Variants in ESPL1 observed in about 807,000 individuals in gnomAD.
The protein encoded by ESPL1 is extra spindle pole bodies like 1, separase.
In ESPL1, 50 loss-of-function variants were observed where a neutral mutation model predicts 217.2. The observed-to-expected ratio is 0.23, with a 90% confidence interval of 0.18 to 0.29. The LOEUF is 0.29. Among genes scored for constraint, ESPL1 ranks in the 10% least tolerant of loss-of-function variants. The pLI, the probability that ESPL1 is intolerant of heterozygous loss-of-function variation, is 1.00. For synonymous variants in ESPL1, 994 were observed against 1,081.3 expected (o/e 0.92, Z 1.58); for missense variants, 1,834 against 2,603.0 (o/e 0.70, Z 6.43).
Position 53,293,243 on chromosome 12 carries a change from A to G in ESPL1, c.6162-30A>G, listed in dbSNP as rs1837624370. 5 of 1,577,482 alleles carry G rather than the reference A, an allele frequency of 3.2e-6. No homozygotes were observed. Among genetic ancestry groups the G allele is most frequent in the Non-Finnish European group, 4.4e-6 (5 of 1,147,020 alleles). On this transcript the variant is annotated intron_variant, in intron 30 of 30. Coordinates refer to ENST00000257934, the MANE Select transcript of ESPL1 (RefSeq NM_012291.5). This position sits in a 1 kb window ranked among gnomAD's most constrained non-coding sequence, Gnocchi z 4.2. Reference sequence around the variant, plus strand: ...CTATGTATTCTGTTTTAGAGCCCTTACTTTGTATTTCCTCCTTTTCTTTTC... The same window carrying G: ...CTATGTATTCTGTTTTAGAGCCCTTGCTTTGTATTTCCTCCTTTTCTTTTC...
At chr12:53,290,027 G>T in intron 22 of ESPL1, 58 bp from the exon 23 acceptor site, 1 of 1,582,140 alleles carries the variant, frequency 6.3e-7, no homozygotes, top group South Asian at 1.1e-5. Flanking sequence ...GAGTGCCCAA[G>T]ACAGGGAAGG....
chr12:53,292,188 A>C lies in ESPL1; in HGVS notation c.5797-90A>C. On this transcript the variant is annotated intron_variant, in intron 27 of 30. Transcript: ENST00000257934. This position sits in a 1 kb window ranked among gnomAD's most constrained non-coding sequence, Gnocchi z 4.5. The stretch of plus-strand genomic sequence containing the variant: ...TGAGAAGATAGGAGAGGGTCCTAGG[A>C]ATGGCTCAGACATGGAAAGGGGCTG... 2 of 1,407,090 alleles carry C rather than the reference A, an allele frequency of 1.4e-6. No individual in the cohort carries two copies. Among genetic ancestry groups the C allele is most frequent in the Non-Finnish European group, 2.0e-6 (2 of 992,052 alleles). The allele number at this position is 1,407,090 out of a possible 1,614,324, so 87.2% of individuals were successfully genotyped here. A position where few individuals can be genotyped will look rare whatever the true frequency, so the allele number is the denominator to read the frequency against.
At position 53,293,257 on chromosome 12, in the gene ESPL1, C is replaced by A. The variant is rs1944093768; in HGVS notation, c.6162-16C>A. 6.2e-7 allele frequency: 1 copy of A among 1,607,098 alleles called. No individual in the cohort carries two copies. The highest frequency in any genetic ancestry group is 2.2e-5 in the East Asian group (1 of 44,860). On this transcript the variant is annotated splice_polypyrimidine_tract_variant and intron_variant, in intron 30 of 30. Coordinates refer to ENST00000257934, the MANE Select transcript of ESPL1 (RefSeq NM_012291.5). The surrounding 1 kb of genome is among the most constrained non-coding windows in gnomAD (Gnocchi z 4.2). ...TTAGAGCCCTTACTTTGTATTTCCT[C>A]CTTTTCTTTTCCCAGCCCCTTGTTT...
rs761250031 is a variant in ESPL1 at position 53,286,092 on chromosome 12, T to C, written c.3356T>C (p.Ile1119Thr). The change falls in exon 18 of 31, where the codon ATA becomes ACA. Residue 1119 changes from isoleucine to threonine, a missense_variant. Physicochemically the swap from Ile to Thr is moderately conservative, Grantham distance 89. Around this residue, in one of 5 missense-constraint regions of ESPL1, gnomAD observed 681 missense variants for 808.0 expected, o/e 0.84. Coordinates refer to ENST00000257934, the MANE Select transcript of ESPL1 (RefSeq NM_012291.5). The surrounding 1 kb of genome is among the most constrained non-coding windows in gnomAD (Gnocchi z 5.3). ...ACTGTGGCCAAGGAGCCTGGCCCCA[T>C]AGCACCTTCTACAAACTCCTCCCCA... ...VATVAKEPGP[I>T]APSTNSSPVL... 1.2e-6 allele frequency: 2 copies of C among 1,613,036 alleles called. No homozygotes were observed.
intron 17 of ESPL1, among the ~76,000 whole-genome samples, chr12:53,284,985 C>T (rs1326602379): frequency 5.6e-5 from 7 of 125,262 alleles, no homozygotes; most frequent in African/African-American, 1.8e-4. Flanking sequence ...CACTCCAGCC[C>T]GGGTGACAGT....
chr12:53,286,012 A>G lies in ESPL1; in HGVS notation c.3276A>G (p.Pro1092=). The change falls in exon 18 of 31, where the codon CCA becomes CCG. Residue 1092 remains proline, a synonymous_variant. Transcript: ENST00000257934. This position sits in a 1 kb window ranked among gnomAD's most constrained non-coding sequence, Gnocchi z 5.3. ...GKQQAQVPCP[P]QLPEEELFLR... is the part of the protein sequence containing the mutation. ...AGCAGGCCCAGGTCCCCTGTCCTCC[A>G]CAGCTCCCAGAGGAGGAGCTCTTCC... The G allele has an allele frequency of 6.2e-7, 1 of 1,603,824 alleles. No homozygotes were observed. The highest frequency in any genetic ancestry group is 8.5e-7 in the Non-Finnish European group (1 of 1,171,500).
At chr12:53,278,653 G>A (rs1245182842) in intron 11 of ESPL1, among the ~76,000 whole-genome samples, 6 of 150,110 alleles carry the variant, frequency 4.0e-5, no homozygotes, top group Admixed American at 6.6e-5. Flanking sequence ...GTGCAGTGGC[G>A]CAATCTGGGC....
intron 2 of ESPL1, 33 bp from the exon 3 acceptor site, chr12:53,268,991 G>C (rs1218819242): frequency 6.4e-7 from 1 of 1,573,918 alleles, no homozygotes; most frequent in African/African-American, 1.4e-5. Flanking sequence ...TCCTGCCTTT[G>C]CTAGCCCCAT....
chr12:53,272,578 C>T, intron 5 of ESPL1, 143 bp from the exon 6 acceptor site: 1 of 912,650 alleles, frequency 1.1e-6, no homozygotes, highest in Non-Finnish European at 1.7e-6. Context: ...GCCGCCCCTT[C>T]CCCATTCCTA....
rs777469176 is a variant in ESPL1 at position 53,282,453 on chromosome 12, A to T, written c.2791+18A>T. The T allele has an allele frequency of 1.1e-5, 17 of 1,610,904 alleles. No individual in the cohort carries two copies. The highest frequency in any genetic ancestry group is 1.4e-5 in the Non-Finnish European group (17 of 1,177,368). ...TGCCCAAGGTGAAAGAATAGGGTGG[A>T]TGGCCCCCCTTGGATGACATGTATG... On this transcript the variant is annotated intron_variant, in intron 14 of 30. Transcript: ENST00000257934. This position sits in a 1 kb window ranked among gnomAD's most constrained non-coding sequence, Gnocchi z 4.0.
In ESPL1 at chr12:53,277,874, A is replaced by G. The variant is rs1223027133; in HGVS notation, c.2278A>G (p.Lys760Glu). 2 of 1,614,070 alleles carry G rather than the reference A, an allele frequency of 1.2e-6. No homozygotes were observed. Among genetic ancestry groups the G allele is most frequent in the African/African-American group, 2.7e-5 (2 of 74,936 alleles). The stretch of plus-strand genomic sequence containing the variant: ...GGCCCTGTGGAAGGAGCTGCTTACA[A>G]AGGGGCAGGCCCCAGCTGTACGGTG... ...ALALWKELLTKGQAPAVRCLQ... is the reference protein window; with the variant it reads ...ALALWKELLTEGQAPAVRCLQ... The change falls in exon 11 of 31, where the codon AAG becomes GAG. Residue 760 changes from lysine to glutamate, a missense_variant. By Grantham distance (56) the Lys-to-Glu change is moderately conservative (BLOSUM62 1). Transcript: ENST00000257934.
chr12:53,285,829 A>AC, intron 17 of ESPL1, 95 bp from the exon 18 acceptor site: 1 of 910,184 alleles, frequency 1.1e-6, no homozygotes, highest in Non-Finnish European at 1.7e-6. Context: ...CGTATATAAA[A>AC]CACATATATT....
At chr12:53,283,046 G>C in intron 14 of ESPL1, 83 bp from the exon 15 acceptor site, 1 of 1,562,184 alleles carries the variant, frequency 6.4e-7, no homozygotes, top group Non-Finnish European at 8.8e-7. Flanking sequence ...AGGAAGCATG[G>C]GAAGCAGGCT....
intron 5 of ESPL1, among the ~76,000 whole-genome samples, 169 bp downstream of exon 5, chr12:53,270,967 AGAGAAGT>A (rs1246318915): frequency 6.6e-6 from 1 of 152,192 alleles, no homozygotes; most frequent in African/African-American, 2.4e-5. Flanking sequence ...TAACACCAGT[AGAGAAGT>A]GATGAAGCTA....
At chr12:53,281,404 G>T in intron 12 of ESPL1, 103 bp from the exon 13 acceptor site, 7 of 1,210,502 alleles carry the variant, frequency 5.8e-6, no homozygotes, top group Non-Finnish European at 7.0e-6. Flanking sequence ...CTCCCAAAGT[G>T]CTGGGATTAC....
chr12:53,286,372 C>G lies in ESPL1; in HGVS notation c.3636C>G (p.Pro1212=). 2 of 1,614,224 alleles carry G rather than the reference C, an allele frequency of 1.2e-6. No individual in the cohort carries two copies. The highest frequency in any genetic ancestry group is 1.1e-5 in the South Asian group (1 of 91,090). Reference sequence around the variant, plus strand: ...CTTCCCTGAATCATAAAACACCCCCCTCCTTGGTTCCAAGCCTCTTGGATG... The same window carrying G: ...CTTCCCTGAATCATAAAACACCCCCGTCCTTGGTTCCAAGCCTCTTGGATG... ...LQASLNHKTP[P]SLVPSLLDEI... is the part of the protein sequence containing the mutation. Residue 1212 remains proline (P), a synonymous_variant, in exon 18 of 31, where the codon CCC becomes CCG. Coordinates refer to ENST00000257934, the MANE Select transcript of ESPL1 (RefSeq NM_012291.5). The surrounding 1 kb of genome is among the most constrained non-coding windows in gnomAD (Gnocchi z 5.3).
Position 53,282,292 on chromosome 12 carries a change from C to T in ESPL1, c.2648C>T (p.Ser883Phe). The change falls in exon 14 of 31, where the codon TCT (serine) becomes TTT (phenylalanine). Residue 883 changes from serine (S) to phenylalanine (F), a missense_variant. By Grantham distance (155) the Ser-to-Phe change is radical. This residue lies in a region of ESPL1 where 746 missense variants were observed against 1,077.0 expected (regional missense o/e 0.69). Coordinates refer to ENST00000257934, the MANE Select transcript of ESPL1 (RefSeq NM_012291.5). This position sits in a 1 kb window ranked among gnomAD's most constrained non-coding sequence, Gnocchi z 4.0. ...ACCAAGGGTGTCTCTCTGCTGCTGT[C>T]TGTGCTTCGGGATCCTGCCCTCCAG... ...KVTKGVSLLLSVLRDPALQKS... is the reference protein window; with the variant it reads ...KVTKGVSLLLFVLRDPALQKS... 1 of 1,614,138 alleles carries T rather than the reference C, an allele frequency of 6.2e-7. No homozygotes were observed. Among genetic ancestry groups the T allele is most frequent in the Admixed American group, 1.7e-5 (1 of 60,006 alleles).
chr12:53,282,197 C>T lies in ESPL1; in HGVS notation c.2620-67C>T. 7.1e-7 allele frequency: 1 copy of T among 1,398,760 alleles called. No homozygotes were observed. Among genetic ancestry groups the T allele is most frequent in the Non-Finnish European group, 1.0e-6 (1 of 989,300 alleles). 86.6% of individuals were successfully genotyped at this position (1,398,760 alleles called of 1,614,324 possible). On this transcript the variant is annotated intron_variant, in intron 13 of 30. Coordinates refer to ENST00000257934, the MANE Select transcript of ESPL1 (RefSeq NM_012291.5). The surrounding 1 kb of genome is among the most constrained non-coding windows in gnomAD (Gnocchi z 4.0). ...TTCAGGGATGGGGCCACGTAATCTC[C>T]AGGGCCTCTCAAGCTCTGGAGTGCC...
chr12:53,281,743 C>G (rs1211241913), intron 13 of ESPL1, 117 bp downstream of exon 13: 8 of 970,184 alleles, frequency 8.2e-6, no homozygotes, highest in African/African-American at 1.6e-5. Context: ...GTTCCTGACC[C>G]TGAGAGGCAG....
Sources: allele counts gnomAD v4.1 joint callset (sites outside exome capture counted in the v4.1 genomes callset), GRCh38; gene constraint gnomAD v4.1.1; regional missense constraint gnomAD v4.1.1; non-coding constraint Gnocchi (gnomAD v3.1); transcripts MANE v1.5; gene names NCBI Gene and HGNC (gene_info 2026-07-23, HGNC 2026-07-21).